PTPRG: variants seen among roughly 807,000 people sequenced by gnomAD.
The protein encoded by PTPRG is receptor-type tyrosine-protein phosphatase gamma.
Under a neutral mutation model 165.3 loss-of-function variants are expected in PTPRG, and 102 were observed. The observed-to-expected ratio is 0.62, with a 90% CI of 0.53 to 0.73. The LOEUF is 0.73. PTPRG is among the 30% of genes least tolerant of loss of function. The probability of loss-of-function intolerance (pLI) is 0.00; values close to 1 mark genes in which losing one functional copy is unlikely to be tolerated. For missense variants in PTPRG, 1,866 were observed against 1,861.4 expected (o/e 1.00, Z -0.05); for synonymous variants, 675 against 669.5 (o/e 1.01, Z -0.13).
chr3:61,861,378 G>A (rs1012491234), intron 2 of PTPRG, among the ~76,000 whole-genome samples: 16 of 152,128 alleles, frequency 1.1e-4, no homozygotes, highest in African/African-American at 3.4e-4. Flanking sequence ...AAAATCCCAC[G>A]AAGGCATTGA....
chr3:61,729,517 A>T (rs1248280814), intron 1 of PTPRG, among the ~76,000 whole-genome samples: 2 of 152,190 alleles, frequency 1.3e-5, no homozygotes, highest in African/African-American at 4.8e-5. Flanking sequence ...CATAGCAATC[A>T]TTTTCCCAGT....
intron 5 of PTPRG, among the ~76,000 whole-genome samples, chr3:62,125,926 A>G (rs1703274136): frequency 6.6e-6 from 1 of 152,116 alleles, no homozygotes; most frequent in Non-Finnish European, 1.5e-5. Context: ...AGTGTATTAA[A>G]AAGACAGAAG....
chr3:62,156,515 G>A (rs1047434871), intron 6 of PTPRG, among the ~76,000 whole-genome samples: 6 of 152,302 alleles, frequency 3.9e-5, no homozygotes, highest in African/African-American at 1.4e-4. Context: ...GCTTCACTTC[G>A]ATTTGGAGAG....
At chr3:62,126,904 T>C (rs1030801039) in intron 5 of PTPRG, among the ~76,000 whole-genome samples, 9 of 152,220 alleles carry the variant, frequency 5.9e-5, no homozygotes, top group African/African-American at 1.7e-4. Context: ...TTTTGTAATA[T>C]CACATTGCAG....
At chr3:61,782,819 T>A (rs967805991) in intron 2 of PTPRG, among the ~76,000 whole-genome samples, 3 of 152,154 alleles carry the variant, frequency 2.0e-5, no homozygotes. Context: ...GTTTTTTAAA[T>A]AGAGCTAGGG....
At chr3:61,996,674 TC>T (rs2041047379) in intron 3 of PTPRG, among the ~76,000 whole-genome samples, 1 of 152,204 alleles carries the variant, frequency 6.6e-6, no homozygotes, top group Admixed American at 6.5e-5. Flanking sequence ...ATTTTTAAAA[TC>T]CATTCTTTAT....
chr3:61,991,167 G>A (rs2040878588), intron 3 of PTPRG, among the ~76,000 whole-genome samples: 1 of 152,088 alleles, frequency 6.6e-6, no homozygotes, highest in Non-Finnish European at 1.5e-5. Flanking sequence ...ATGAGTAGCT[G>A]CGTAGAAAAA....
chr3:62,190,146 C>T lies in PTPRG; in HGVS notation c.1034-1323C>T, dbSNP rs922304110. Reference sequence around the variant, plus strand: ...ATCTCTTAGAGTGGAGGTTCTCAGCCGAAGGTGATTGGCCCCTGCAAGCAA... The same window carrying T: ...ATCTCTTAGAGTGGAGGTTCTCAGCTGAAGGTGATTGGCCCCTGCAAGCAA... On this transcript the variant is annotated intron_variant, in intron 8 of 29. Transcript: ENST00000474889. This position sits in a 1 kb window ranked among gnomAD's most constrained non-coding sequence, Gnocchi z 5.2. 1.3e-5 allele frequency among the ~76,000 whole-genome samples: 2 copies of T among 152,132 alleles called. No homozygotes were observed. Among genetic ancestry groups the T allele is most frequent in the African/African-American group, 2.4e-5 (1 of 41,424 alleles).
In PTPRG at chr3:62,171,312, G is replaced by A. The variant is rs541087472; in HGVS notation, c.1033+3149G>A. Reference sequence around the variant, plus strand: ...CATCCTAGAGTACACATATTTTCAGGTTTGGTTAGAGACTGCCAAATGGCT... The same window carrying A: ...CATCCTAGAGTACACATATTTTCAGATTTGGTTAGAGACTGCCAAATGGCT... On this transcript the variant is annotated intron_variant, in intron 8 of 29. Transcript: ENST00000474889. Among the ~76,000 whole-genome samples, 4 of 152,236 alleles carry A rather than the reference G, an allele frequency of 2.6e-5. No homozygotes were observed. In the South Asian group the frequency reaches 8.3e-4, roughly 32 times the overall value.
Position 62,281,551 on chromosome 3 carries a change from T to TTTTTTTTTTG in PTPRG, c.3766-12_3766-11insTTTTTTTTTG, listed in dbSNP as rs1553667465. ...GAACTGCAGAGGCTTTTTTTTTTTT[T>TTTTTTTTTTG]GGATTCCAAAGGCAGAAGATGAGTT... On this transcript the variant is annotated splice_polypyrimidine_tract_variant and intron_variant, in intron 26 of 29. Coordinates refer to ENST00000474889, the MANE Select transcript of PTPRG (RefSeq NM_002841.4). 4.8e-6 allele frequency: 7 copies of TTTTTTTTTTG among 1,466,126 alleles called. No homozygotes were observed. The South Asian group carries it at 9.6e-5, about 20-fold the overall frequency. The allele number at this position is 1,466,126 out of a possible 1,614,324, so 90.8% of individuals were successfully genotyped here. A position where few individuals can be genotyped will look rare whatever the true frequency, so the allele number is the denominator to read the frequency against.
At chr3:62,185,846 G>T (rs1295198153) in intron 8 of PTPRG, among the ~76,000 whole-genome samples, 1 of 152,180 alleles carries the variant, frequency 6.6e-6, no homozygotes, top group Non-Finnish European at 1.5e-5. Context: ...GAAGATAATT[G>T]CTAGACCCTA....
intron 1 of PTPRG, among the ~76,000 whole-genome samples, chr3:61,650,736 G>A (rs939706066): frequency 6.6e-6 from 1 of 152,092 alleles, no homozygotes; most frequent in African/African-American, 2.4e-5. Context: ...TAATGTGATG[G>A]TTTTCATTTT....
intron 1 of PTPRG, among the ~76,000 whole-genome samples, chr3:61,723,515 A>T (rs1015601599): frequency 2.0e-5 from 3 of 152,176 alleles, no homozygotes; most frequent in Non-Finnish European, 4.4e-5. Flanking sequence ...TCTATCAAAA[A>T]GGGTTGGATA....
rs143749940 is a variant in PTPRG, at chr3:61,897,880, G to T, written c.191-91745G>T. On this transcript the variant is annotated intron_variant, in intron 2 of 29. Coordinates refer to ENST00000474889, the MANE Select transcript of PTPRG (RefSeq NM_002841.4). ...CTTTTTTAGTATATAGAAATGTGAT[G>T]GACTTTTCAGGTTGATCTTTTATTC... Among the ~76,000 whole-genome samples, 498 of 152,040 alleles carry T rather than the reference G, an allele frequency of 3.3e-3. 2 individuals are homozygous for T. The highest frequency in any genetic ancestry group is 9.7e-3 in the African/African-American group (402 of 41,458).
intron 8 of PTPRG, among the ~76,000 whole-genome samples, chr3:62,185,731 G>T (rs1705852881): frequency 6.6e-6 from 1 of 152,180 alleles, no homozygotes; most frequent in Non-Finnish European, 1.5e-5. Flanking sequence ...TTTTAACACT[G>T]TGTGGGCCAT....
chr3:62,132,704 G>A (rs780917324), intron 6 of PTPRG, 36 bp downstream of exon 6: 2 of 1,530,416 alleles, frequency 1.3e-6, no homozygotes, highest in Non-Finnish European at 1.8e-6. Context: ...TTGCTGGGAT[G>A]TGAAGGGCTC....
At chr3:61,809,619 C>T (rs2035514234) in intron 2 of PTPRG, among the ~76,000 whole-genome samples, 1 of 152,096 alleles carries the variant, frequency 6.6e-6, no homozygotes, top group Admixed American at 6.6e-5. Flanking sequence ...CCAGTGTGGA[C>T]AGTGAATACT....
At chr3:62,277,875 A>C (rs539138507) in intron 26 of PTPRG, among the ~76,000 whole-genome samples, 196 bp downstream of exon 26, 1 of 152,148 alleles carries the variant, frequency 6.6e-6, no homozygotes, top group South Asian at 2.1e-4. Context: ...CCATTACTTG[A>C]GTCTCTGATG....
chr3:62,111,700 C>T (rs1397784430), intron 5 of PTPRG, among the ~76,000 whole-genome samples: 3 of 152,258 alleles, frequency 2.0e-5, no homozygotes, highest in African/African-American at 4.8e-5. Context: ...CCTCTGGCCT[C>T]GGCCTCCCAA....
Sources: allele counts gnomAD v4.1 joint callset (sites outside exome capture counted in the v4.1 genomes callset), GRCh38; gene constraint gnomAD v4.1.1; non-coding constraint Gnocchi (gnomAD v3.1); transcripts MANE v1.5; gene names NCBI Gene and HGNC (gene_info 2026-07-23, HGNC 2026-07-21).